The following CALD1 variants were observed in gnomAD, a reference collection of about 807,000 sequenced individuals.
CALD1 encodes the protein caldesmon 1, also known as caldesmon.
CALD1 carries 33 observed loss-of-function variants against 99.9 expected under a neutral mutation model. The ratio of observed to expected loss-of-function variants is 0.33; its 90% CI spans 0.25 to 0.44. The LOEUF (loss-of-function observed/expected upper bound fraction) is 0.44. CALD1 is among the 20% of genes least tolerant of loss of function. CALD1 has a pLI of 1.00. For synonymous variants in CALD1, 310 were observed against 325.0 expected (o/e 0.95, Z 0.50); for missense variants, 861 against 962.1 (o/e 0.89, Z 1.39).
At chr7:134,806,237 T>C (rs529539046) in intron 1 of CALD1, among the ~76,000 whole-genome samples, 3 of 152,234 alleles carry the variant, frequency 2.0e-5, no homozygotes, top group South Asian at 2.1e-4. Flanking sequence ...ATCAGTGTCT[T>C]GGCTGGAATT....
chr7:134,928,972 C>G, intron 4 of CALD1, 72 bp downstream of exon 4: 1 of 1,322,994 alleles, frequency 7.6e-7, no homozygotes, highest in South Asian at 1.4e-5. Context: ...ATTTGTTGAG[C>G]AGAGCATTCC....
At chr7:134,904,795 C>T (rs1011879509) in intron 3 of CALD1, among the ~76,000 whole-genome samples, 5 of 152,088 alleles carry the variant, frequency 3.3e-5, no homozygotes, top group Non-Finnish European at 7.3e-5. Context: ...GGGTATTAAA[C>T]CAGCCCCAAA....
chr7:134,803,712 T>C (rs1798031481), intron 1 of CALD1, among the ~76,000 whole-genome samples: 1 of 151,658 alleles, frequency 6.6e-6, no homozygotes, highest in Admixed American at 6.6e-5. Flanking sequence ...TTTTTTTTTT[T>C]TTTGAGACAG....
At chr7:134,948,994 TG>T (rs559357135) in intron 8 of CALD1, among the ~76,000 whole-genome samples, 2 of 152,172 alleles carry the variant, frequency 1.3e-5, no homozygotes, top group South Asian at 4.2e-4. Flanking sequence ...ACTAACAAGC[TG>T]GGGCCTTGGG....
At chr7:134,880,745 A>C (rs1801561581) in intron 3 of CALD1, among the ~76,000 whole-genome samples, 1 of 152,186 alleles carries the variant, frequency 6.6e-6, no homozygotes. Context: ...TGTAGAAAGA[A>C]CTGATATCTG....
chr7:134,781,592 C>T (rs1355625867), intron 1 of CALD1, among the ~76,000 whole-genome samples: 2 of 113,730 alleles, frequency 1.8e-5, no homozygotes, highest in Non-Finnish European at 3.5e-5. Context: ...CATAGTGAGG[C>T]CAAAGGAGCA....
chr7:134,761,946 T>C (rs2131597564), intron 1 of CALD1, among the ~76,000 whole-genome samples: 1 of 152,330 alleles, frequency 6.6e-6, no homozygotes, highest in Non-Finnish European at 1.5e-5. Context: ...GGAACGGACC[T>C]GGGAACCCCC....
intron 2 of CALD1, among the ~76,000 whole-genome samples, chr7:134,858,447 C>T (rs1297460601): frequency 6.6e-6 from 1 of 152,154 alleles, no homozygotes; most frequent in African/African-American, 2.4e-5. Context: ...CACCCCACAA[C>T]TTACCACATC....
intron 7 of CALD1, among the ~76,000 whole-genome samples, chr7:134,945,119 G>T (rs1396336941): frequency 4.6e-5 from 7 of 152,154 alleles, no homozygotes; most frequent in Non-Finnish European, 8.8e-5. Context: ...GTCTTAATAT[G>T]TTCCCAATTC....
intron 1 of CALD1, among the ~76,000 whole-genome samples, chr7:134,787,363 AG>A (rs1451485013): frequency 6.6e-6 from 1 of 152,170 alleles, no homozygotes; most frequent in Non-Finnish European, 1.5e-5. Context: ...ATTTAGGCTT[AG>A]GGGGAGGGGT....
chr7:134,820,278 G>C (rs1028537654), intron 1 of CALD1, among the ~76,000 whole-genome samples: 3 of 152,258 alleles, frequency 2.0e-5, no homozygotes, highest in Non-Finnish European at 4.4e-5. Flanking sequence ...TAAAAGCTAT[G>C]CTTAAAATTG....
upstream of CALD1, among the ~76,000 whole-genome samples, chr7:134,742,250 A>T (rs1796598095): frequency 6.6e-6 from 1 of 152,232 alleles, no homozygotes; most frequent in Non-Finnish European, 1.5e-5. Flanking sequence ...ACCATGAGAT[A>T]GGCTATGTGA....
At chr7:134,888,122 AT>A (rs1454175042) in intron 3 of CALD1, among the ~76,000 whole-genome samples, 1 of 152,180 alleles carries the variant, frequency 6.6e-6, no homozygotes, top group Non-Finnish European at 1.5e-5. Context: ...GTTCCTTTCT[AT>A]TACAGTCTGA....
At position 134,928,846 on chromosome 7, in the gene CALD1, A is replaced by C; in HGVS notation, c.164A>C (p.Glu55Ala). Residue 55 changes from glutamate to alanine, a missense_variant, in exon 4 of 15, where the codon GAG becomes GCG. Coordinates refer to ENST00000361675, the MANE Select transcript of CALD1 (RefSeq NM_033138.4). ...ARQERLRQKQ[E>A]EESLGQVTDQ... ...CAGGAACGGCTGCGGCAGAAGCAGGAGGAAGAATCCTTGGGACAGGTGACC... is the reference window on the plus strand; with the variant it reads ...CAGGAACGGCTGCGGCAGAAGCAGGCGGAAGAATCCTTGGGACAGGTGACC... 6.2e-7 allele frequency: 1 copy of C among 1,614,014 alleles called. No individual in the cohort carries two copies. The highest frequency in any genetic ancestry group is 8.5e-7 in the Non-Finnish European group (1 of 1,179,950).
intron 1 of CALD1, among the ~76,000 whole-genome samples, chr7:134,829,894 G>A (rs1799149138): frequency 2.0e-5 from 3 of 152,192 alleles, no homozygotes. Context: ...ATCCTGAAGG[G>A]AGAATCACCT....
rs1808161681 is a variant in CALD1 at position 134,960,273 on chromosome 7, T to A, written c.2199+162T>A. On this transcript the variant is annotated intron_variant, in intron 12 of 14. Coordinates refer to ENST00000361675, the MANE Select transcript of CALD1 (RefSeq NM_033138.4). Reference sequence around the variant, plus strand: ...AAAAGCAAGCTCAGAGAGAATGTGTTTGTGAGGTTGCATGAGGTACTAAGC... The same window carrying A: ...AAAAGCAAGCTCAGAGAGAATGTGTATGTGAGGTTGCATGAGGTACTAAGC... The A allele has an allele frequency of 3.6e-6, 3 of 834,860 alleles. No homozygotes were observed. In the African/African-American group the frequency reaches 5.1e-5, roughly 14 times the overall value. The allele number at this position is 834,860 out of a possible 1,614,324, so 51.7% of individuals were successfully genotyped here.
At chr7:134,744,227 T>A (rs17202648), upstream of CALD1, 88,652 of 151,966 alleles carry the variant, frequency 0.58, 26,638 homozygotes, top group East Asian at 0.86. Context: ...GTCGCTTTTC[T>A]AGGGGAGGTA....
chr7:134,886,435 A>G (rs577446637), intron 3 of CALD1, among the ~76,000 whole-genome samples: 393 of 152,352 alleles, frequency 2.6e-3, no homozygotes, highest in Non-Finnish European at 4.0e-3. Flanking sequence ...ACAAAACTGA[A>G]TGAATGATCT....
At chr7:134,909,125 T>G (rs1690352994) in intron 3 of CALD1, among the ~76,000 whole-genome samples, 1 of 152,222 alleles carries the variant, frequency 6.6e-6, no homozygotes, top group African/African-American at 2.4e-5. Flanking sequence ...TATTTTACTT[T>G]TTCTTATAAT....
Sources: allele counts gnomAD v4.1 joint callset (sites outside exome capture counted in the v4.1 genomes callset), GRCh38; gene constraint gnomAD v4.1.1; transcripts MANE v1.5; gene names NCBI Gene and HGNC (gene_info 2026-07-23, HGNC 2026-07-21).